SH3BGRL2: variants seen among roughly 807,000 people sequenced by gnomAD.
The protein encoded by SH3BGRL2 is SH3 domain-binding glutamic acid-rich-like protein 2.
Under a neutral mutation model 14.8 loss-of-function variants are expected in SH3BGRL2, and 21 were observed. That is an observed-to-expected ratio of 1.42 (90% CI 1.01 to 2.05). The LOEUF is 2.05. SH3BGRL2 is among the 30% of genes most tolerant of loss of function. The pLI is 0.00. For synonymous variants in SH3BGRL2, 50 were observed against 47.8 expected, an observed-to-expected ratio of 1.05 and a Z score of -0.19; for missense variants, 147 against 130.8, an observed-to-expected ratio of 1.12 and a Z score of -0.61.
rs151284391 is a variant in SH3BGRL2 at position 79,664,258 on chromosome 6, G to A, written c.46-9356G>A. Among the ~76,000 whole-genome samples the A allele has an allele frequency of 3.0e-4, 46 of 152,312 alleles. 1 individual carries two copies. In the East Asian group the frequency reaches 7.9e-3, roughly 26 times the overall value. On this transcript the variant is annotated intron_variant, in intron 1 of 3. Transcript: ENST00000369838. ...ACCTGTCTTCTGCATCGATCACGCT[G>A]GGATCTGCAGACTGGAGCTGTTCCT...
the SH3BGRL2 span, chr6:79,574,346 C>T: frequency 2.0e-5 from 3 of 152,186 alleles, no homozygotes; most frequent in Non-Finnish European, 4.4e-5. Flanking sequence ...GGTGCCTTCT[C>T]TCCAGAAATC....
chr6:79,564,032 T>C, the SH3BGRL2 span, among the ~76,000 whole-genome samples: 5 of 152,198 alleles, frequency 3.3e-5, no homozygotes, highest in Non-Finnish European at 5.9e-5. Context: ...GGAAAAATGT[T>C]GAGCAAACGA....
chr6:79,609,438 C>A, the SH3BGRL2 span, among the ~76,000 whole-genome samples: 1 of 152,070 alleles, frequency 6.6e-6, no homozygotes, highest in East Asian at 1.9e-4. Context: ...GGGTCCTGAC[C>A]TGCACCAGCC....
chr6:79,601,875 A>G, the SH3BGRL2 span, among the ~76,000 whole-genome samples: 1 of 152,102 alleles, frequency 6.6e-6, no homozygotes, highest in Non-Finnish European at 1.5e-5. Context: ...AGTAGTTGAG[A>G]TGGCTTAAAA....
the SH3BGRL2 span, among the ~76,000 whole-genome samples, chr6:79,601,654 A>C: frequency 6.6e-6 from 1 of 152,174 alleles, no homozygotes; most frequent in African/African-American, 2.4e-5. Context: ...TTCTCACTTG[A>C]TATAGTCCTC....
chr6:79,642,464 G>A (rs769892495), intron 1 of SH3BGRL2, among the ~76,000 whole-genome samples: 8 of 152,032 alleles, frequency 5.3e-5, no homozygotes. Context: ...ATAATGTATA[G>A]ATTTCATCCC....
Position 79,665,942 on chromosome 6 carries a change from A to G in SH3BGRL2, c.46-7672A>G, listed in dbSNP as rs143878119. On this transcript the variant is annotated intron_variant, in intron 1 of 3. Transcript: ENST00000369838. ...ATAAACTGAAATAGAAACTGGAGAC[A>G]CTGTACTTTATGTATAATCTCTCAT... 2.6e-5 allele frequency among the ~76,000 whole-genome samples: 4 copies of G among 152,326 alleles called. No homozygotes were observed. The East Asian group carries it at 7.7e-4, about 29-fold the overall frequency.
chr6:79,618,544 A>G, the SH3BGRL2 span, among the ~76,000 whole-genome samples: 2 of 152,236 alleles, frequency 1.3e-5, no homozygotes, highest in East Asian at 3.9e-4. Flanking sequence ...CATCTCTACT[A>G]AAACTACAAA....
At chr6:79,598,806 G>A in the SH3BGRL2 span, among the ~76,000 whole-genome samples, 12 of 150,396 alleles carry the variant, frequency 8.0e-5, no homozygotes, top group Admixed American at 6.0e-4. Context: ...ACCTCGGCTG[G>A]GCGCGGTGGC....
rs1438018361 is a variant in SH3BGRL2 at position 79,691,663 on chromosome 6, T to C, written c.232-4822T>C. On this transcript the variant is annotated intron_variant, in intron 2 of 3. Transcript: ENST00000369838. ...GAATGATGGTTTCCAGTTTCATCCATGTCCCTACAAAGGACATGAACTCAT... is the reference window on the plus strand; with the variant it reads ...GAATGATGGTTTCCAGTTTCATCCACGTCCCTACAAAGGACATGAACTCAT... 2.0e-5 allele frequency among the ~76,000 whole-genome samples: 3 copies of C among 151,232 alleles called. No homozygotes were observed. In the East Asian group the frequency reaches 5.8e-4, roughly 29 times the overall value.
upstream of SH3BGRL2, among the ~76,000 whole-genome samples, chr6:79,628,454 C>A (rs966990749): frequency 3.9e-5 from 6 of 152,074 alleles, no homozygotes; most frequent in African/African-American, 7.2e-5. Context: ...GAGCCACTTT[C>A]TTCAAGCCTA....
chr6:79,606,708 A>G, the SH3BGRL2 span, among the ~76,000 whole-genome samples: 7 of 152,208 alleles, frequency 4.6e-5, no homozygotes, highest in African/African-American at 1.7e-4. Context: ...TGGTGAGTTT[A>G]TGTAAATTAA....
chr6:79,572,385 C>T, the SH3BGRL2 span, among the ~76,000 whole-genome samples: 3 of 152,156 alleles, frequency 2.0e-5, no homozygotes, highest in Non-Finnish European at 4.4e-5. Context: ...TTCTTTCCAA[C>T]TCTTGGTATC....
intron 1 of SH3BGRL2, among the ~76,000 whole-genome samples, chr6:79,653,494 A>G (rs559320414): frequency 6.6e-6 from 1 of 152,336 alleles, no homozygotes; most frequent in Admixed American, 6.5e-5. Context: ...GGATTTGTAA[A>G]CAGTCTAATG....
intron 2 of SH3BGRL2, among the ~76,000 whole-genome samples, chr6:79,693,535 A>G (rs1203554460): frequency 1.3e-5 from 2 of 151,566 alleles, no homozygotes. Context: ...ACGTCCCATC[A>G]ATACCTAATT....
At chr6:79,618,833 T>C in the SH3BGRL2 span, among the ~76,000 whole-genome samples, 1 of 144,358 alleles carries the variant, frequency 6.9e-6, no homozygotes, top group Non-Finnish European at 1.5e-5. Context: ...GCAGAAGAAA[T>C]GCTTGGACCT....
At chr6:79,611,944 G>A in the SH3BGRL2 span, among the ~76,000 whole-genome samples, 2 of 152,134 alleles carry the variant, frequency 1.3e-5, no homozygotes, top group Non-Finnish European at 2.9e-5. Context: ...TATAGGAATG[G>A]CTTGATAAAT....
At chr6:79,587,561 T>A in the SH3BGRL2 span, among the ~76,000 whole-genome samples, 1 of 152,260 alleles carries the variant, frequency 6.6e-6, no homozygotes, top group African/African-American at 2.4e-5. Flanking sequence ...CTGCCAAAAT[T>A]TTGGAGGAAG....
intron 2 of SH3BGRL2, among the ~76,000 whole-genome samples, chr6:79,679,769 T>C (rs1769954482): frequency 1.3e-5 from 2 of 152,148 alleles, no homozygotes; most frequent in South Asian, 4.1e-4. Context: ...TTAAATGGTA[T>C]CTACTCTAAT....
Sources: allele counts gnomAD v4.1 joint callset (sites outside exome capture counted in the v4.1 genomes callset), GRCh38; gene constraint gnomAD v4.1.1; transcripts MANE v1.5; gene names NCBI Gene and HGNC (gene_info 2026-07-23, HGNC 2026-07-21).